The following FBXW4 variants were observed in gnomAD, a reference collection of about 807,000 sequenced individuals.
The protein encoded by FBXW4 is F-box/WD repeat-containing protein 4.
FBXW4 carries 40 observed loss-of-function variants against 61.8 expected under a neutral mutation model. The ratio of observed to expected loss-of-function variants is 0.65; its 90% confidence interval spans 0.50 to 0.84. The LOEUF is 0.84. Ranked by LOEUF, FBXW4 falls within the 40% of genes least tolerant of loss-of-function variation. FBXW4 has a pLI of 0.00. For synonymous variants in FBXW4, 311 were observed against 313.8 expected, an observed-to-expected ratio of 0.99 and a Z score of 0.10; for missense variants, 672 against 753.8, an observed-to-expected ratio of 0.89 and a Z score of 1.27.
At chr10:101,645,124 A>G (rs1197680956) in intron 5 of FBXW4, among the ~76,000 whole-genome samples, 2 of 152,014 alleles carry the variant, frequency 1.3e-5, no homozygotes, top group Non-Finnish European at 2.9e-5. Context: ...CCTCACCCCC[A>G]CCTCAAGCCT....
intron 5 of FBXW4, among the ~76,000 whole-genome samples, chr10:101,654,899 C>T (rs1018249995): frequency 6.6e-6 from 1 of 152,254 alleles, no homozygotes; most frequent in Non-Finnish European, 1.5e-5. Context: ...TCTCAGCTGA[C>T]TGCAGCCTCA....
intron 5 of FBXW4, among the ~76,000 whole-genome samples, chr10:101,651,260 A>G (rs948618392): frequency 2.6e-5 from 4 of 151,698 alleles, no homozygotes; most frequent in African/African-American, 9.7e-5. Context: ...TGCCCCAGAA[A>G]GAGGGGACTA....
At position 101,647,725 on chromosome 10, in the gene FBXW4, C is replaced by CA. The variant is rs752742889; in HGVS notation, c.1235+20160dup. On this transcript the variant is annotated intron_variant, in intron 5 of 8. Transcript: ENST00000331272. ...TTCAGAAGAATGATAAGAAAGGTCACAAATTTGCAAATACACTTGACAGTG... is the reference window on the plus strand; with the variant it reads ...TTCAGAAGAATGATAAGAAAGGTCACAAAATTTGCAAATACACTTGACAGTG... 9.8e-4 allele frequency among the ~76,000 whole-genome samples: 150 copies of CA among 152,332 alleles called. 1 individual carries two copies. Among genetic ancestry groups the CA allele is most frequent in the Admixed American group, 1.8e-3 (27 of 15,298 alleles).
At chr10:101,646,509 C>G (rs1424800046) in intron 5 of FBXW4, among the ~76,000 whole-genome samples, 3 of 152,220 alleles carry the variant, frequency 2.0e-5, no homozygotes, top group Non-Finnish European at 4.4e-5. Context: ...GCATTTCCCC[C>G]ACAGGAGCAA....
In FBXW4 at chr10:101,660,953, G is replaced by T. The variant is rs2064237064; in HGVS notation, c.1235+6933C>A. Among the ~76,000 whole-genome samples the T allele has an allele frequency of 1.3e-5, 2 of 152,232 alleles. 1 individual carries two copies. The highest frequency in any genetic ancestry group is 2.9e-5 in the Non-Finnish European group (2 of 68,050). On this transcript the variant is annotated intron_variant, in intron 5 of 8. Transcript: ENST00000331272. ...TCTCTAGTGACCAGAACATGGTAAT[G>T]CTTAAGGAGTATCTGAAGAGAGAAA...
At chr10:101,692,166 A>C (rs2064611439) in intron 1 of FBXW4, among the ~76,000 whole-genome samples, 1 of 152,118 alleles carries the variant, frequency 6.6e-6, no homozygotes, top group Non-Finnish European at 1.5e-5. Flanking sequence ...TCTTACCCTG[A>C]CAGATTACTA....
chr10:101,634,848 C>T (rs2063987974), intron 5 of FBXW4, among the ~76,000 whole-genome samples: 1 of 149,220 alleles, frequency 6.7e-6, no homozygotes, highest in South Asian at 2.1e-4. Context: ...AAGATAAACA[C>T]AAAATTCTGA....
In FBXW4 at chr10:101,667,426, C is replaced by G. The variant is rs570095754; in HGVS notation, c.1235+460G>C. ...GACCCAGCTGGATCTGGGCCCCAAG[C>G]CTCTCCTGATGACTTAAGACTGTAA... On this transcript the variant is annotated intron_variant, in intron 5 of 8. Transcript: ENST00000331272. 1.8e-4 allele frequency among the ~76,000 whole-genome samples: 28 copies of G among 152,262 alleles called. 1 individual carries two copies. Among genetic ancestry groups the G allele is most frequent in the African/African-American group, 5.3e-4 (22 of 41,550 alleles).
chr10:101,656,330 G>A lies in FBXW4; in HGVS notation c.1235+11556C>T, dbSNP rs993772361. Among the ~76,000 whole-genome samples, 12 of 152,186 alleles carry A rather than the reference G, an allele frequency of 7.9e-5. No homozygotes were observed. The East Asian group carries it at 1.5e-3, about 20-fold the overall frequency. ...GCATCCAGAGGCAACACAGACATAA[G>A]TGTCTCCAGCCTGGAACCAGAAAGT... On this transcript the variant is annotated intron_variant, in intron 5 of 8. Transcript: ENST00000331272.
chr10:101,655,599 C>T (rs555296937), intron 5 of FBXW4, among the ~76,000 whole-genome samples: 5 of 152,376 alleles, frequency 3.3e-5, no homozygotes, highest in Non-Finnish European at 7.3e-5. Context: ...TAATCACTCA[C>T]TTGTTCTCTT....
chr10:101,673,432 A>C (rs1252324356), intron 3 of FBXW4, 56 bp downstream of exon 3: 1 of 1,588,052 alleles, frequency 6.3e-7, no homozygotes. Context: ...AGGCAGGCAG[A>C]ATGTCCCCGA....
rs1417509150 is a variant in FBXW4, at chr10:101,673,469, A to G, written c.1007+19T>C. The G allele has an allele frequency of 1.9e-6, 3 of 1,613,050 alleles. No homozygotes were observed. The highest frequency in any genetic ancestry group is 1.7e-6 in the Non-Finnish European group (2 of 1,179,212). ...GTATAAGATGGAAAAGGGTGGAAGG[A>G]GAAACCTATAGCACTTACCCTCCTG... On this transcript the variant is annotated intron_variant, in intron 3 of 8. Coordinates refer to ENST00000331272, the MANE Select transcript of FBXW4 (RefSeq NM_022039.4).
chr10:101,632,441 T>C (rs1007754931), intron 5 of FBXW4, among the ~76,000 whole-genome samples: 8 of 152,086 alleles, frequency 5.3e-5, no homozygotes, highest in Non-Finnish European at 8.8e-5. Flanking sequence ...CACAAAATGA[T>C]TATTCTCTAT....
chr10:101,636,902 A>T (rs1160808783), intron 5 of FBXW4, among the ~76,000 whole-genome samples: 3 of 152,112 alleles, frequency 2.0e-5, no homozygotes, highest in East Asian at 3.8e-4. Context: ...GATTACATTT[A>T]AAAAGTATCA....
intron 6 of FBXW4, among the ~76,000 whole-genome samples, chr10:101,624,396 C>T (rs956860086): frequency 2.6e-5 from 4 of 152,038 alleles, no homozygotes; most frequent in Non-Finnish European, 4.4e-5. Context: ...TTTATAGGTC[C>T]GTAGGCCACC....
chr10:101,638,774 G>C (rs890260942), intron 5 of FBXW4, among the ~76,000 whole-genome samples: 1 of 152,100 alleles, frequency 6.6e-6, no homozygotes, highest in Non-Finnish European at 1.5e-5. Context: ...GGCTCCATCC[G>C]GGACTTGACA....
At chr10:101,654,840 T>C (rs2064172955) in intron 5 of FBXW4, among the ~76,000 whole-genome samples, 2 of 152,246 alleles carry the variant, frequency 1.3e-5, no homozygotes, top group Admixed American at 6.5e-5. Flanking sequence ...TGTTACTTTT[T>C]TGAGACAGAC....
At chr10:101,659,539 C>G in intron 5 of FBXW4, 1 of 451,600 alleles carries the variant, frequency 2.2e-6, no homozygotes, top group Non-Finnish European at 2.9e-6. Flanking sequence ...CAATGAGATG[C>G]TTCATGTGTG....
At chr10:101,614,526 C>T (rs959046135) in intron 6 of FBXW4, among the ~76,000 whole-genome samples, 10 of 152,152 alleles carry the variant, frequency 6.6e-5, no homozygotes, top group African/African-American at 2.4e-4. Context: ...TCCCTGCCCT[C>T]GGGGGGAGAG....
Sources: gnomAD v4.1 joint callset for allele counts (sites outside exome capture counted in the v4.1 genomes callset) on GRCh38, gnomAD v4.1.1 for gene constraint, MANE v1.5 for transcripts, NCBI Gene and HGNC (gene_info 2026-07-23, HGNC 2026-07-21) for gene names.